COL11A1: variants seen among roughly 807,000 people sequenced by gnomAD.
The protein encoded by COL11A1 is collagen alpha-1(XI) chain.
Under a neutral mutation model 265.2 loss-of-function variants are expected in COL11A1, and 74 were observed. The ratio of observed to expected loss-of-function variants is 0.28; its 90% CI spans 0.23 to 0.34. The LOEUF (loss-of-function observed/expected upper bound fraction) is 0.34. Among genes scored for constraint, COL11A1 ranks in the 10% least tolerant of loss-of-function variants. COL11A1 has a pLI of 1.00. For synonymous variants in COL11A1, 816 were observed against 727.6 expected (o/e 1.12, Z -1.96); for missense variants, 2,165 against 2,263.6 (o/e 0.96, Z 0.88).
intron 41 of COL11A1, among the ~76,000 whole-genome samples, chr1:102,960,590 T>A (rs1660805840): frequency 6.6e-6 from 1 of 152,000 alleles, no homozygotes; most frequent in African/African-American, 2.4e-5. Context: ...TTGGGTAGGA[T>A]CTTTGTCAAG....
intron 20 of COL11A1, 109 bp from the exon 21 acceptor site, chr1:103,003,377 G>A: frequency 8.3e-7 from 1 of 1,207,844 alleles, no homozygotes; most frequent in South Asian, 1.4e-5. Flanking sequence ...AAAATATTTG[G>A]ACATCTTTTA....
rs903698277 is a variant in COL11A1 at position 103,007,738 on chromosome 1, T to C, written c.1683+725A>G. Among the ~76,000 whole-genome samples, 5 of 151,860 alleles carry C rather than the reference T, an allele frequency of 3.3e-5. 1 individual carries two copies. In the East Asian group the frequency reaches 5.8e-4, roughly 18 times the overall value. On this transcript the variant is annotated intron_variant, in intron 15 of 66. Transcript: ENST00000370096. ...TGCCGGGCATGGTGGCGCATGCCTG[T>C]AGTCCCAGCTACTTGGGAGGCTAAA...
chr1:102,984,148 T>C lies in COL11A1; in HGVS notation c.2546A>G (p.Gln849Arg), dbSNP rs1404518979. ...VPGLPGYPGR[Q>R]GPKGSTGFPG... ...ATCAAGCTGTTTTACCTTTGGACCT[T>C]GTCTTCCTGGATATCCTGGTAATCC... The change falls in exon 31 of 67, where the codon CAA (glutamine) becomes CGA (arginine). Residue 849 changes from glutamine (Q) to arginine (R), a missense_variant. Physicochemically the swap from Gln to Arg is conservative, Grantham distance 43. Coordinates refer to ENST00000370096, the MANE Select transcript of COL11A1 (RefSeq NM_001854.4). 2 of 1,601,556 alleles carry C rather than the reference T, an allele frequency of 1.2e-6. No homozygotes were observed. The highest frequency in any genetic ancestry group is 1.3e-5 in the African/African-American group (1 of 74,796).
chr1:102,969,697 T>G (rs528133662), intron 37 of COL11A1, among the ~76,000 whole-genome samples: 2 of 152,366 alleles, frequency 1.3e-5, no homozygotes, highest in African/African-American at 2.4e-5. Flanking sequence ...GTTTTTGATT[T>G]ACTTTTTCCT....
intron 4 of COL11A1, among the ~76,000 whole-genome samples, chr1:103,050,177 A>G (rs1200537592): frequency 6.6e-6 from 1 of 152,160 alleles, no homozygotes; most frequent in Non-Finnish European, 1.5e-5. Flanking sequence ...GTTCTCCTGG[A>G]TAATATCCTG....
At chr1:102,919,245 A>ATT (rs1379176898) in intron 49 of COL11A1, among the ~76,000 whole-genome samples, 1 of 152,072 alleles carries the variant, frequency 6.6e-6, no homozygotes, top group Non-Finnish European at 1.5e-5. Context: ...ATGCAGTAAG[A>ATT]TTTATCTAAT....
At position 103,004,431 on chromosome 1, in the gene COL11A1, G is replaced by A. The variant is rs753344135; in HGVS notation, c.1944+13C>T. On this transcript the variant is annotated intron_variant, in intron 20 of 66. Coordinates refer to ENST00000370096, the MANE Select transcript of COL11A1 (RefSeq NM_001854.4). ...TAGAAATATTACTTAAAAATAAAAA[G>A]TAAGTTGCTTACAGCTTCACCTGGA... The A allele has an allele frequency of 6.2e-7, 1 of 1,601,102 alleles. No homozygotes were observed. The highest frequency in any genetic ancestry group is 1.1e-5 in the South Asian group (1 of 90,446).
At chr1:103,007,346 A>G (rs2622880) in intron 15 of COL11A1, among the ~76,000 whole-genome samples, 10,413 of 152,188 alleles carry the variant, frequency 0.068, 433 homozygotes, top group Middle Eastern at 0.17. Context: ...CGATATACAT[A>G]TTTTAAAATA....
intron 41 of COL11A1, among the ~76,000 whole-genome samples, chr1:102,953,503 A>G (rs113821232): frequency 2.6e-5 from 4 of 152,338 alleles, no homozygotes; most frequent in African/African-American, 9.6e-5. Context: ...GCCTGTCATA[A>G]TAGAGACAGA....
chr1:103,105,565 T>C (rs1228685472), intron 1 of COL11A1, among the ~76,000 whole-genome samples: 1 of 152,182 alleles, frequency 6.6e-6, no homozygotes, highest in African/African-American at 2.4e-5. Context: ...TTTAATTTTA[T>C]ATAAAAGTAG....
In COL11A1 at chr1:102,933,955, C is replaced by T. The variant is rs569429278; in HGVS notation, c.3600+494G>A. The stretch of plus-strand genomic sequence containing the variant: ...GCCTGGCCCTGCTTCGGCTCGCACA[C>T]GGTGCGCGCACCCACTGACCTGCGC... On this transcript the variant is annotated intron_variant, in intron 46 of 66. Coordinates refer to ENST00000370096, the MANE Select transcript of COL11A1 (RefSeq NM_001854.4). Among the ~76,000 whole-genome samples the T allele has an allele frequency of 1.9e-4, 29 of 151,616 alleles. 1 individual carries two copies. The highest frequency in any genetic ancestry group is 3.7e-4 in the African/African-American group (15 of 40,934).
At position 103,021,748 on chromosome 1, in the gene COL11A1, C is replaced by T. The variant is rs1437115397; in HGVS notation, c.1267G>A (p.Gly423Arg). Residue 423 changes from glycine to arginine, a missense_variant, in exon 9 of 67, where the codon GGA becomes AGA. By Grantham distance (125) the Gly-to-Arg change is moderately radical. Transcript: ENST00000370096. ...ETSINGHGAY[G>R]EKGQKGEPAV... ...GGTTCTCCTTTCTGTCCTTTCTCTC[C>T]ATATGCACCATGGCCATTTATCTGT... The T allele has an allele frequency of 6.2e-7, 1 of 1,612,208 alleles. No homozygotes were observed. The highest frequency in any genetic ancestry group is 8.5e-7 in the Non-Finnish European group (1 of 1,178,272).
At chr1:102,983,992 C>T (rs1291457684) in intron 31 of COL11A1, 146 bp downstream of exon 31, 25 of 574,890 alleles carry the variant, frequency 4.3e-5, no homozygotes, top group Non-Finnish European at 6.6e-5. Flanking sequence ...GCACTCCAGG[C>T]GTCCACACAC....
At position 102,889,521 on chromosome 1, in the gene COL11A1, T is replaced by C. The variant is rs1234643543; in HGVS notation, c.4398A>G (p.Glu1466=). Residue 1466 remains glutamate (E), a synonymous_variant, in exon 59 of 67, where the codon GAA becomes GAG. Coordinates refer to ENST00000370096, the MANE Select transcript of COL11A1 (RefSeq NM_001854.4). ...GLIGLIGPPG[E]QGEKGDRGLP... ...GCCCTCGGTCACCTTTTTCCCCTTGTTCTCCTGGAGGACCAATCAGGCCAA... is the reference window on the plus strand; with the variant it reads ...GCCCTCGGTCACCTTTTTCCCCTTGCTCTCCTGGAGGACCAATCAGGCCAA... 2 of 1,613,628 alleles carry C rather than the reference T, an allele frequency of 1.2e-6. No homozygotes were observed. The highest frequency in any genetic ancestry group is 1.7e-6 in the Non-Finnish European group (2 of 1,179,838).
intron 5 of COL11A1, among the ~76,000 whole-genome samples, chr1:103,029,350 T>G (rs546086456): frequency 2.0e-5 from 3 of 152,156 alleles, no homozygotes; most frequent in African/African-American, 7.2e-5. Context: ...ATTGCATTAT[T>G]AATTTATATA....
At chr1:102,879,523 G>T (rs1458818267) in intron 66 of COL11A1, among the ~76,000 whole-genome samples, 160 bp downstream of exon 66, 2 of 152,044 alleles carry the variant, frequency 1.3e-5, no homozygotes, top group Non-Finnish European at 2.9e-5. Flanking sequence ...TAACATTACT[G>T]GTTTCTCACA....
intron 47 of COL11A1, 66 bp downstream of exon 47, chr1:102,923,270 C>G: frequency 7.7e-7 from 1 of 1,294,102 alleles, no homozygotes; most frequent in South Asian, 1.3e-5. Flanking sequence ...ACACATAATA[C>G]TTTACAAACC....
chr1:103,024,767 CTAAT>C (rs1667388346), intron 7 of COL11A1, among the ~76,000 whole-genome samples: 1 of 151,908 alleles, frequency 6.6e-6, no homozygotes, highest in Admixed American at 6.6e-5. Context: ...ATCTATTTGC[CTAAT>C]TGAGAGACAT....
chr1:102,909,378 A>G (rs1654377006), intron 54 of COL11A1, among the ~76,000 whole-genome samples: 1 of 152,170 alleles, frequency 6.6e-6, no homozygotes, highest in Admixed American at 6.6e-5. Flanking sequence ...AGCCTGCAGA[A>G]CTGTGAGCTA....
Sources: allele counts gnomAD v4.1 joint callset (sites outside exome capture counted in the v4.1 genomes callset), GRCh38; gene constraint gnomAD v4.1.1; transcripts MANE v1.5; gene names NCBI Gene and HGNC (gene_info 2026-07-23, HGNC 2026-07-21).